GOT1: variants seen among roughly 807,000 people sequenced by gnomAD.
GOT1 encodes the protein aspartate aminotransferase, cytoplasmic.
A neutral mutation model predicts 48.2 loss-of-function variants in GOT1; 25 were observed. The ratio of observed to expected loss-of-function variants is 0.52; its 90% CI spans 0.38 to 0.72. The LOEUF is 0.72. Among genes scored for constraint, GOT1 ranks in the 30% least tolerant of loss-of-function variants. The pLI is 0.00. For missense variants in GOT1, 380 were observed against 520.1 expected (o/e 0.73, Z 2.62); for synonymous variants, 188 against 193.8 (o/e 0.97, Z 0.25).
At chr10:99,414,458 C>T (rs1235175443) in intron 2 of GOT1, among the ~76,000 whole-genome samples, 1 of 152,150 alleles carries the variant, frequency 6.6e-6, no homozygotes, top group East Asian at 1.9e-4. Flanking sequence ...TAGGGACCTA[C>T]AAAGGGACTG....
At chr10:99,430,352 C>T in intron 1 of GOT1, 96 bp downstream of exon 1, 1 of 1,607,438 alleles carries the variant, frequency 6.2e-7, no homozygotes. Flanking sequence ...CAGGCAGCGC[C>T]ACACTGGGCC....
In GOT1 at chr10:99,410,754, T is replaced by C. The variant is rs118051714; in HGVS notation, c.301-3905A>G. Among the ~76,000 whole-genome samples, 352 of 152,376 alleles carry C rather than the reference T, an allele frequency of 2.3e-3. 17 individuals carry two copies. The East Asian group carries it at 0.059, about 25-fold the overall frequency. On this transcript the variant is annotated intron_variant, in intron 2 of 8. Coordinates refer to ENST00000370508, the MANE Select transcript of GOT1 (RefSeq NM_002079.3). ...TGAACTGATTTTTGGCAAATTGTCC[T>C]ACAGCCTAAGAATGTCCTGTACTTG...
intron 2 of GOT1, among the ~76,000 whole-genome samples, chr10:99,410,842 T>C (rs191680852): frequency 1.3e-5 from 2 of 152,344 alleles, no homozygotes; most frequent in East Asian, 1.9e-4. Flanking sequence ...GCCAGGCAAC[T>C]GGACCTGGGT....
At chr10:99,427,027 C>G (rs1010917589) in intron 1 of GOT1, among the ~76,000 whole-genome samples, 6 of 152,180 alleles carry the variant, frequency 3.9e-5, no homozygotes, top group African/African-American at 7.2e-5. Context: ...TTTTATTCTA[C>G]TCTAATTAGA....
chr10:99,424,983 G>A (rs1217130456), intron 1 of GOT1, among the ~76,000 whole-genome samples: 1 of 152,034 alleles, frequency 6.6e-6, no homozygotes, highest in East Asian at 1.9e-4. Context: ...TCATTCACTC[G>A]CTCACATAAC....
intron 5 of GOT1, among the ~76,000 whole-genome samples, chr10:99,404,609 A>G (rs1424068432): frequency 2.6e-5 from 4 of 152,032 alleles, no homozygotes; most frequent in Non-Finnish European, 4.4e-5. Flanking sequence ...GGCTATGGCA[A>G]TGGTCTCCTA....
At chr10:99,415,496 C>A (rs1394846138) in intron 2 of GOT1, among the ~76,000 whole-genome samples, 1 of 152,246 alleles carries the variant, frequency 6.6e-6, no homozygotes, top group East Asian at 1.9e-4. Flanking sequence ...GATTCACAGC[C>A]GAATTCTACC....
intron 1 of GOT1, among the ~76,000 whole-genome samples, chr10:99,425,976 T>C (rs572787911): frequency 1.3e-5 from 2 of 152,208 alleles, no homozygotes; most frequent in Non-Finnish European, 2.9e-5. Context: ...TTCTTTACTC[T>C]CATTTAATTT....
intron 5 of GOT1, among the ~76,000 whole-genome samples, chr10:99,404,689 T>G (rs1303872520): frequency 6.6e-6 from 1 of 152,072 alleles, no homozygotes; most frequent in Non-Finnish European, 1.5e-5. Context: ...AGGGTGGCCT[T>G]AAGACCATGC....
At chr10:99,413,547 C>G (rs925927506) in intron 2 of GOT1, among the ~76,000 whole-genome samples, 82 of 152,268 alleles carry the variant, frequency 5.4e-4, no homozygotes, top group Admixed American at 1.2e-3. Flanking sequence ...GTTCCCCAAC[C>G]TAGCAAGGCA....
chr10:99,424,371 T>C (rs1419241677), intron 1 of GOT1, among the ~76,000 whole-genome samples: 1 of 152,152 alleles, frequency 6.6e-6, no homozygotes, highest in Non-Finnish European at 1.5e-5. Flanking sequence ...CTACATGCCT[T>C]GATAGCTAGT....
chr10:99,430,025 G>A (rs1234752527), intron 1 of GOT1, among the ~76,000 whole-genome samples: 1 of 151,944 alleles, frequency 6.6e-6, no homozygotes, highest in Non-Finnish European at 1.5e-5. Flanking sequence ...AATATTTACC[G>A]ACTCAGAACA....
chr10:99,397,536 G>A lies in GOT1; in HGVS notation c.*11C>T. On this transcript the variant is annotated 3_prime_UTR_variant, in exon 9 of 9. Transcript: ENST00000370508. This position sits in a 1 kb window ranked among gnomAD's most constrained non-coding sequence, Gnocchi z 5.4. ...GAACTACTTTGGTGGTACTGGACGG[G>A]TGGTGTTTCTTCACTGGATTTTGGT... The A allele has an allele frequency of 6.2e-7, 1 of 1,613,470 alleles. No homozygotes were observed. The highest frequency in any genetic ancestry group is 8.5e-7 in the Non-Finnish European group (1 of 1,179,782).
rs1391329581 is a variant in GOT1, at chr10:99,420,750, C to T, written c.174G>A (p.Glu58=). Residue 58 remains glutamate, a synonymous_variant, in exon 2 of 9, where the codon GAG becomes GAA. Coordinates refer to ENST00000370508, the MANE Select transcript of GOT1 (RefSeq NM_002079.3). ...GGCTATTGTCATTAGCAATCTTCTG[C>T]TCCACTTTCTTCACTACTGGCAAAA... ...PWVLPVVKKV[E]QKIANDNSLN... 4 of 1,613,860 alleles carry T rather than the reference C, an allele frequency of 2.5e-6. No homozygotes were observed. Among genetic ancestry groups the T allele is most frequent in the African/African-American group, 1.3e-5 (1 of 74,894 alleles).
At position 99,397,535 on chromosome 10, in the gene GOT1, G is replaced by A. The variant is rs547920235; in HGVS notation, c.*12C>T. On this transcript the variant is annotated 3_prime_UTR_variant, in exon 9 of 9. Coordinates refer to ENST00000370508, the MANE Select transcript of GOT1 (RefSeq NM_002079.3). This position sits in a 1 kb window ranked among gnomAD's most constrained non-coding sequence, Gnocchi z 5.4. The stretch of plus-strand genomic sequence containing the variant: ...AGAACTACTTTGGTGGTACTGGACG[G>A]GTGGTGTTTCTTCACTGGATTTTGG... 2.6e-5 allele frequency: 42 copies of A among 1,613,314 alleles called. No homozygotes were observed. The African/African-American group carries it at 5.5e-4, about 21-fold the overall frequency.
intron 1 of GOT1, among the ~76,000 whole-genome samples, chr10:99,424,780 T>C (rs2033017411): frequency 6.6e-6 from 1 of 152,182 alleles, no homozygotes; most frequent in Admixed American, 6.6e-5. Context: ...TCCTTCTCCA[T>C]TGCCCAGTTT....
At chr10:99,427,257 T>A (rs920317184) in intron 1 of GOT1, among the ~76,000 whole-genome samples, 13 of 151,978 alleles carry the variant, frequency 8.6e-5, no homozygotes, top group Admixed American at 8.5e-4. Context: ...GTAGAATCTT[T>A]TTTATTTATT....
At chr10:99,408,836 T>C (rs1012287109) in intron 2 of GOT1, among the ~76,000 whole-genome samples, 2 of 152,208 alleles carry the variant, frequency 1.3e-5, no homozygotes, top group Non-Finnish European at 2.9e-5. Flanking sequence ...TGGCCTAATC[T>C]ATAAGTCGTT....
chr10:99,428,058 G>A (rs1426351959), intron 1 of GOT1, among the ~76,000 whole-genome samples: 1 of 152,168 alleles, frequency 6.6e-6, no homozygotes, highest in African/African-American at 2.4e-5. Flanking sequence ...CATTGCTTCT[G>A]GCCTGTGCTG....
Sources: gnomAD v4.1 joint callset for allele counts (sites outside exome capture counted in the v4.1 genomes callset) on GRCh38, gnomAD v4.1.1 for gene constraint, Gnocchi (gnomAD v3.1) non-coding constraint, MANE v1.5 for transcripts, NCBI Gene and HGNC (gene_info 2026-07-23, HGNC 2026-07-21) for gene names.